The following SEPTIN14 variants were observed in gnomAD, a reference collection of about 807,000 sequenced individuals.
The protein encoded by SEPTIN14 is septin 14.
In SEPTIN14, 40 loss-of-function variants were observed where a neutral mutation model predicts 53.6. The ratio of observed to expected loss-of-function variants is 0.75; its 90% CI spans 0.58 to 0.97. The LOEUF is 0.97. Among genes scored for constraint, SEPTIN14 ranks in the 50% least tolerant of loss-of-function variants. The pLI is 0.00. For missense variants in SEPTIN14, 471 were observed against 508.2 expected, an observed-to-expected ratio of 0.93 and a Z score of 0.70; for synonymous variants, 138 against 166.8, an observed-to-expected ratio of 0.83 and a Z score of 1.33.
At chr7:55,826,910 C>G (rs541398433) in intron 6 of SEPTIN14, among the ~76,000 whole-genome samples, 1 of 152,288 alleles carries the variant, frequency 6.6e-6, no homozygotes, top group South Asian at 2.1e-4. Flanking sequence ...TGCCCTGGCA[C>G]TGCTGTCACT....
chr7:55,854,517 C>T (rs1789575949), intron 2 of SEPTIN14, among the ~76,000 whole-genome samples: 3 of 151,994 alleles, frequency 2.0e-5, no homozygotes, highest in Admixed American at 6.6e-5. Flanking sequence ...GCAAGCTCCG[C>T]CTCCCGGGTT....
chr7:55,811,462 A>T, intron 7 of SEPTIN14: 8 of 318,932 alleles, frequency 2.5e-5, no homozygotes, highest in South Asian at 6.6e-5. Flanking sequence ...AGGAAGGCAA[A>T]CTCTTCTCCA....
intron 2 of SEPTIN14, 143 bp downstream of exon 2, chr7:55,861,800 G>C (rs1789754042): frequency 3.8e-6 from 2 of 524,820 alleles, no homozygotes; most frequent in Admixed American, 8.1e-5. Flanking sequence ...ACTCCAATTA[G>C]TATAAAAGCT....
chr7:55,824,628 C>CAAAA (rs34568525), intron 6 of SEPTIN14, among the ~76,000 whole-genome samples: 1 of 144,850 alleles, frequency 6.9e-6, no homozygotes, highest in African/African-American at 2.6e-5. Context: ...ACTAAAAATA[C>CAAAA]AAAAAAAAAA....
chr7:55,836,341 T>C (rs909114709), intron 5 of SEPTIN14, among the ~76,000 whole-genome samples: 1 of 152,156 alleles, frequency 6.6e-6, no homozygotes, highest in Non-Finnish European at 1.5e-5. Context: ...CTTATTAAAT[T>C]ATAGCTCCAC....
chr7:55,811,671 T>C (rs926424039), intron 7 of SEPTIN14, among the ~76,000 whole-genome samples: 8 of 151,140 alleles, frequency 5.3e-5, no homozygotes, highest in African/African-American at 1.9e-4. Context: ...CTGGTTTTTC[T>C]GTTTTTTAGT....
Position 55,794,162 on chromosome 7 carries a change from C to G in SEPTIN14, c.*1751G>C, listed in dbSNP as rs1289899181. Reference sequence around the variant, plus strand: ...GAATCCTTCTGTGCCCTCAAAAACCCTATGGATTATACCATTATTACCTAA... The same window carrying G: ...GAATCCTTCTGTGCCCTCAAAAACCGTATGGATTATACCATTATTACCTAA... On this transcript the variant is annotated 3_prime_UTR_variant, in exon 10 of 10. Transcript: ENST00000388975. 1 of 152,028 alleles carries G rather than the reference C, an allele frequency of 6.6e-6. No homozygotes were observed. The highest frequency in any genetic ancestry group is 1.5e-5 in the Non-Finnish European group (1 of 67,994). 9.4% of individuals were successfully genotyped at this position (152,028 alleles called of 1,614,324 possible). A position where few individuals can be genotyped will look rare whatever the true frequency, so the allele number is the denominator to read the frequency against.
chr7:55,808,964 G>GC, intron 7 of SEPTIN14, among the ~76,000 whole-genome samples: 1 of 152,294 alleles, frequency 6.6e-6, no homozygotes, highest in African/African-American at 2.4e-5. Flanking sequence ...ACAGGCACGT[G>GC]TATGTTCATT....
At chr7:55,841,247 A>T (rs1006439551) in intron 5 of SEPTIN14, among the ~76,000 whole-genome samples, 4 of 152,028 alleles carry the variant, frequency 2.6e-5, no homozygotes, top group African/African-American at 4.8e-5. Context: ...GATTCAGGGG[A>T]TATATGTGCA....
chr7:55,817,880 A>G (rs1470370916), intron 7 of SEPTIN14, among the ~76,000 whole-genome samples: 1 of 152,188 alleles, frequency 6.6e-6, no homozygotes, highest in Non-Finnish European at 1.5e-5. Flanking sequence ...CACAATGTAT[A>G]TGTATTTCAA....
At chr7:55,817,477 T>TATATA (rs58158456) in intron 7 of SEPTIN14, among the ~76,000 whole-genome samples, 6 of 126,876 alleles carry the variant, frequency 4.7e-5, no homozygotes, top group Middle Eastern at 7.9e-3. Context: ...TATATATATA[T>TATATA]TTTTTTTTTT....
intron 6 of SEPTIN14, among the ~76,000 whole-genome samples, chr7:55,819,650 C>T (rs1379850502): frequency 6.6e-6 from 1 of 151,988 alleles, no homozygotes; most frequent in African/African-American, 2.4e-5. Context: ...AGGGATCTAC[C>T]CTGCATCTCA....
chr7:55,837,140 G>A (rs1789222589), intron 5 of SEPTIN14, among the ~76,000 whole-genome samples: 1 of 150,520 alleles, frequency 6.6e-6, no homozygotes, highest in East Asian at 2.0e-4. Context: ...GAGAGAGAGA[G>A]GGTCTTGATC....
chr7:55,841,853 CAAAAAAAAAAAAA>C (rs58433679), intron 5 of SEPTIN14, among the ~76,000 whole-genome samples: 1 of 73,528 alleles, frequency 1.4e-5, no homozygotes, highest in Non-Finnish European at 2.6e-5. Context: ...GAAACTCCGC[CAAAAAAAAAAAAA>C]AAAAAAAAAA....
chr7:55,813,869 C>T (rs1050986475), intron 7 of SEPTIN14, among the ~76,000 whole-genome samples: 9 of 152,144 alleles, frequency 5.9e-5, no homozygotes, highest in South Asian at 2.1e-4. Context: ...GACTAAAGAG[C>T]CCTTGGGCCT....
At chr7:55,846,064 A>AATATATATATATATATATATATATATAT (rs1562718590) in intron 3 of SEPTIN14, among the ~76,000 whole-genome samples, 2 of 7,384 alleles carry the variant, frequency 2.7e-4, no homozygotes, top group Non-Finnish European at 4.2e-4. Flanking sequence ...AAAAAAAAAA[A>AATATATATATATATATATATATATATAT]GTATATATAT....
At position 55,809,309 on chromosome 7, in the gene SEPTIN14, CTTTT is replaced by C. The variant is rs780613537; in HGVS notation, c.818-2055_818-2052del. 7.9e-5 allele frequency among the ~76,000 whole-genome samples: 7 copies of C among 88,670 alleles called. No homozygotes were observed. The South Asian group carries it at 1.2e-3, about 15-fold the overall frequency. 58.2% of individuals were successfully genotyped at this position (88,670 alleles called of 152,430 possible). A position where few individuals can be genotyped will look rare whatever the true frequency, so the allele number is the denominator to read the frequency against. ...GAGGACAGAAAAGCTACTATGCTTA[CTTTT>C]TTTTTTTTTTTTTTTTTTGGTTAGT... is the stretch of plus-strand genomic sequence containing the variant. On this transcript the variant is annotated intron_variant, in intron 7 of 9. Coordinates refer to ENST00000388975, the MANE Select transcript of SEPTIN14 (RefSeq NM_207366.3).
rs948083964 is a variant in SEPTIN14 at position 55,844,243 on chromosome 7, G to A, written c.371+280C>T. 7.9e-5 allele frequency among the ~76,000 whole-genome samples: 12 copies of A among 151,976 alleles called. No homozygotes were observed. The South Asian group carries it at 1.2e-3, about 16-fold the overall frequency. On this transcript the variant is annotated intron_variant, in intron 4 of 9. Coordinates refer to ENST00000388975, the MANE Select transcript of SEPTIN14 (RefSeq NM_207366.3). Reference sequence around the variant, plus strand: ...GAATGTAAATTAGTACAACGTCTACGGAAAATTTGTACAAATAAAGTTAAA... The same window carrying A: ...GAATGTAAATTAGTACAACGTCTACAGAAAATTTGTACAAATAAAGTTAAA...
chr7:55,811,315 C>T, intron 7 of SEPTIN14: 1 of 510,858 alleles, frequency 2.0e-6, no homozygotes, highest in South Asian at 1.5e-5. Context: ...ATTCGTATTT[C>T]CACTTTGCAG....
Sources: gnomAD v4.1 joint callset for allele counts (sites outside exome capture counted in the v4.1 genomes callset) on GRCh38, gnomAD v4.1.1 for gene constraint, MANE v1.5 for transcripts, NCBI Gene and HGNC (gene_info 2026-07-23, HGNC 2026-07-21) for gene names.